MYO19: variants seen among roughly 807,000 people sequenced by gnomAD.
MYO19 encodes the protein myosin XIX, also known as unconventional myosin-XIX.
MYO19 carries 132 observed loss-of-function variants against 129.2 expected under a neutral mutation model. The ratio of observed to expected loss-of-function variants is 1.02; its 90% CI spans 0.89 to 1.18. The LOEUF is 1.18. Among genes scored for constraint, MYO19 ranks in the 50% most tolerant of loss-of-function variants. The probability of loss-of-function intolerance (pLI) is 0.00; values close to 1 mark genes in which losing one functional copy is unlikely to be tolerated. For missense variants in MYO19, 1,210 were observed against 1,216.7 expected (o/e 0.99, Z 0.08); for synonymous variants, 531 against 477.2 (o/e 1.11, Z -1.47).
Position 36,534,856 on chromosome 17 carries a change from GGA to G in MYO19, c.-393_-392del, listed in dbSNP as rs1432956012. Reference sequence around the variant, plus strand: ...TCAGGCGGCGGGAAGAACACGGGCAGGAGAGAAAAGAGGAGGGGCAAGAGCGT... The same window carrying G: ...TCAGGCGGCGGGAAGAACACGGGCAGGAGAAAAGAGGAGGGGCAAGAGCGT... On this transcript the variant is annotated 5_prime_UTR_variant, in exon 1 of 26. Transcript: ENST00000614623. The G allele has an allele frequency of 6.6e-6, 1 of 152,410 alleles. No individual in the cohort carries two copies. The highest frequency in any genetic ancestry group is 1.5e-5 in the Non-Finnish European group (1 of 68,186). The allele number at this position is 152,410 out of a possible 1,614,324, so 9.4% of individuals were successfully genotyped here.
In MYO19 at chr17:36,515,873, C is replaced by A. The variant is rs1234450481; in HGVS notation, c.532G>T (p.Val178Phe). ...CCAAGCTCACCAAAAGCTTCCATGACAGGGTTGGAGTTCAGGATCCTCTGT... is the reference window on the plus strand; with the variant it reads ...CCAAGCTCACCAAAAGCTTCCATGAAAGGGTTGGAGTTCAGGATCCTCTGT... Reference protein sequence around the residue: ...IEQRILNSNPVMEAFGNACTL... With the variant: ...IEQRILNSNPFMEAFGNACTL... Residue 178 changes from valine to phenylalanine, a missense_variant, in exon 7 of 26, where the codon GTC becomes TTC. Physicochemically the swap from Val to Phe is conservative, Grantham distance 50. Coordinates refer to ENST00000614623, the MANE Select transcript of MYO19 (RefSeq NM_001163735.2). 2.5e-6 allele frequency: 4 copies of A among 1,612,492 alleles called. No individual in the cohort carries two copies. The highest frequency in any genetic ancestry group is 1.3e-5 in the African/African-American group (1 of 75,036).
chr17:36,530,922 T>C (rs1477700031), intron 3 of MYO19, among the ~76,000 whole-genome samples: 1 of 151,918 alleles, frequency 6.6e-6, no homozygotes, highest in Non-Finnish European at 1.5e-5. Flanking sequence ...TGCCTGGCCT[T>C]ATTTATTTAT....
At position 36,498,783 on chromosome 17, in the gene MYO19, A is replaced by C; in HGVS notation, c.2464-224T>G. 3 of 601,176 alleles carry C rather than the reference A, an allele frequency of 5.0e-6. No individual in the cohort carries two copies. The East Asian group carries it at 8.3e-5, about 17-fold the overall frequency. The allele number at this position is 601,176 out of a possible 1,614,324, so 37.2% of individuals were successfully genotyped here. A position where few individuals can be genotyped will look rare whatever the true frequency, so the allele number is the denominator to read the frequency against. On this transcript the variant is annotated intron_variant, in intron 24 of 25. Coordinates refer to ENST00000614623, the MANE Select transcript of MYO19 (RefSeq NM_001163735.2). ...ACATATGCTACTTGAAAACAAGATA[A>C]GAGTCCATCAAGATATAACTGATAT...
chr17:36,514,614 GGGTGT>G, intron 8 of MYO19, 66 bp from the exon 9 acceptor site: 4 of 1,098,878 alleles, frequency 3.6e-6, no homozygotes, highest in Non-Finnish European at 5.5e-6. Flanking sequence ...CTGGCAATCT[GGGTGT>G]GCCAGATTGC....
intron 11 of MYO19, chr17:36,513,053 A>G: frequency 8.5e-7 from 1 of 1,174,502 alleles, no homozygotes; most frequent in Non-Finnish European, 1.1e-6. Flanking sequence ...ACACACACAG[A>G]GGACTGTTTA....
At chr17:36,524,596 C>G (rs779589544) in intron 6 of MYO19, among the ~76,000 whole-genome samples, 19 of 152,218 alleles carry the variant, frequency 1.2e-4, no homozygotes, top group Non-Finnish European at 2.5e-4. Flanking sequence ...CGTGGCCATA[C>G]CAGGAGCTTC....
Position 36,521,911 on chromosome 17 carries a change from G to C in MYO19, c.414+3317C>G, listed in dbSNP as rs1000572109. Among the ~76,000 whole-genome samples the C allele has an allele frequency of 4.6e-5, 7 of 151,180 alleles. No individual in the cohort carries two copies. The Admixed American group carries it at 4.6e-4, about 10-fold the overall frequency. ...CTGGGTGTGGTGGTGCATGCTGGTAGTTCCAGCTACTTGGGAAGCTGAGGC... is the reference window on the plus strand; with the variant it reads ...CTGGGTGTGGTGGTGCATGCTGGTACTTCCAGCTACTTGGGAAGCTGAGGC... On this transcript the variant is annotated intron_variant, in intron 6 of 25. Coordinates refer to ENST00000614623, the MANE Select transcript of MYO19 (RefSeq NM_001163735.2).
intron 11 of MYO19, chr17:36,513,009 CCT>C (rs1424391083): frequency 3.3e-6 from 3 of 918,110 alleles, no homozygotes; most frequent in Non-Finnish European, 4.2e-6. Flanking sequence ...CGTCACTTTA[CCT>C]CTCTGGTTTT....
At chr17:36,535,552 C>A (rs1345105791), upstream of MYO19, 2 of 152,242 alleles carry the variant, frequency 1.3e-5, no homozygotes, top group African/African-American at 2.4e-5. Context: ...GGCTGCCCTT[C>A]CCACGTAGAC....
rs761032150 is a variant in MYO19 at position 36,527,612 on chromosome 17, G to A, written c.239C>T (p.Pro80Leu). 3 of 1,613,920 alleles carry A rather than the reference G, an allele frequency of 1.9e-6. No individual in the cohort carries two copies. In the African/African-American group the frequency reaches 4.0e-5, roughly 22 times the overall value. ...CTLVALNPFK[P>L]VPQLYSPELM... is the part of the protein sequence containing the mutation. ...CTCGGGCGAGTAGAGCTGAGGAACA[G>A]GCTTGAAGGGGTTCAAGGCTACCAG... The change falls in exon 5 of 26, where the codon CCT becomes CTT. Residue 80 changes from proline (P) to leucine (L), a missense_variant. By Grantham distance (98) the Pro-to-Leu change is moderately conservative. Transcript: ENST00000614623.
chr17:36,495,914 A>G lies in MYO19; in HGVS notation c.*337T>C, dbSNP rs983881850. ...AGGCCAACTTTGGCTGTTTTCTTCCAAAAGTGCTTATGTGGAATTGGGATC... is the reference window on the plus strand; with the variant it reads ...AGGCCAACTTTGGCTGTTTTCTTCCGAAAGTGCTTATGTGGAATTGGGATC... On this transcript the variant is annotated 3_prime_UTR_variant, in exon 26 of 26. Coordinates refer to ENST00000614623, the MANE Select transcript of MYO19 (RefSeq NM_001163735.2). 5 of 1,168,794 alleles carry G rather than the reference A, an allele frequency of 4.3e-6. No homozygotes were observed. The highest frequency in any genetic ancestry group is 4.1e-5 in the Admixed American group (1 of 24,606). The allele number at this position is 1,168,794 out of a possible 1,614,324, so 72.4% of individuals were successfully genotyped here.
upstream of MYO19, chr17:36,536,989 G>A (rs1157875517): frequency 3.0e-6 from 3 of 994,326 alleles, no homozygotes; most frequent in Non-Finnish European, 4.4e-6. Flanking sequence ...AGGGCCCAAA[G>A]TTCTGCTCTG....
At chr17:36,514,295 C>T (rs144412054) in intron 9 of MYO19, 151 bp downstream of exon 9, 632,908 of 636,458 alleles carry the variant, frequency 0.99, 314,700 homozygotes, top group East Asian at 1. Flanking sequence ...GGCAGAAGTG[C>T]TGCATGTAAA....
intron 6 of MYO19, among the ~76,000 whole-genome samples, chr17:36,523,732 G>T (rs552632552): frequency 8.0e-4 from 121 of 152,190 alleles, no homozygotes; most frequent in Non-Finnish European, 1.6e-3. Flanking sequence ...TATTTTGAGG[G>T]CAGGGAAATA....
chr17:36,513,812 G>C, intron 9 of MYO19, 87 bp from the exon 10 acceptor site: 1 of 1,196,538 alleles, frequency 8.4e-7, no homozygotes, highest in Admixed American at 2.2e-5. Context: ...GGGATAAGAG[G>C]AGAGTTGGTA....
intron 2 of MYO19, among the ~76,000 whole-genome samples, chr17:36,540,896 G>A (rs773348074): frequency 3.9e-5 from 6 of 152,190 alleles, no homozygotes; most frequent in Non-Finnish European, 7.3e-5. Flanking sequence ...TGAGGGCAGA[G>A]GAGAGGGAAA....
upstream of MYO19, among the ~76,000 whole-genome samples, chr17:36,536,151 C>G (rs190362311): frequency 6.6e-6 from 1 of 152,320 alleles, no homozygotes; most frequent in Non-Finnish European, 1.5e-5. Flanking sequence ...GCAACTAACA[C>G]TAGTATGTGC....
intron 25 of MYO19, 22 bp downstream of exon 25, chr17:36,498,244 A>G (rs1187439370): frequency 3.1e-6 from 5 of 1,597,704 alleles, no homozygotes; most frequent in Non-Finnish European, 3.4e-6. Context: ...CAAAGCTGTC[A>G]TGGCCATCAC....
At chr17:36,528,305 G>A (rs955188465) in intron 3 of MYO19, 103 bp from the exon 4 acceptor site, 17 of 1,257,440 alleles carry the variant, frequency 1.4e-5, no homozygotes, top group Admixed American at 4.5e-5. Context: ...TGAGGAGATC[G>A]AGACCATCCT....
Sources: allele counts gnomAD v4.1 joint callset (sites outside exome capture counted in the v4.1 genomes callset), GRCh38; gene constraint gnomAD v4.1.1; transcripts MANE v1.5; gene names NCBI Gene and HGNC (gene_info 2026-07-23, HGNC 2026-07-21).